PRRC2C: variants seen among roughly 807,000 people sequenced by gnomAD.
PRRC2C encodes the protein protein PRRC2C.
PRRC2C carries 72 observed loss-of-function variants against 317.2 expected under a neutral mutation model. That is an observed-to-expected ratio of 0.23 (90% CI 0.19 to 0.28). The LOEUF is 0.28. Ranked by LOEUF, PRRC2C falls within the 10% of genes least tolerant of loss-of-function variation. The pLI, the probability that PRRC2C is intolerant of heterozygous loss-of-function variation, is 1.00. For missense variants in PRRC2C, 3,074 were observed against 3,459.7 expected, an observed-to-expected ratio of 0.89 and a Z score of 2.80; for synonymous variants, 1,296 against 1,205.9, an observed-to-expected ratio of 1.07 and a Z score of -1.55.
intron 16 of PRRC2C, among the ~76,000 whole-genome samples, chr1:171,544,493 A>G (rs1055622518): frequency 1.3e-5 from 2 of 152,228 alleles, no homozygotes; most frequent in African/African-American, 4.8e-5. Flanking sequence ...AATTTAGAAA[A>G]AGGAAATTTT....
chr1:171,511,892 G>T, intron 1 of PRRC2C, 140 bp from the exon 2 acceptor site: 1 of 438,376 alleles, frequency 2.3e-6, no homozygotes, highest in Non-Finnish European at 4.3e-6. Flanking sequence ...CAATTTTGTT[G>T]TGTATTGGTT....
chr1:171,496,637 T>A (rs1016699441), intron 1 of PRRC2C, among the ~76,000 whole-genome samples: 5 of 152,214 alleles, frequency 3.3e-5, no homozygotes, highest in Admixed American at 3.3e-4. Flanking sequence ...GGCACACACA[T>A]GCACTCTGTG....
intron 1 of PRRC2C, among the ~76,000 whole-genome samples, chr1:171,496,117 A>G (rs538153528): frequency 3.3e-5 from 5 of 151,398 alleles, no homozygotes; most frequent in African/African-American, 4.9e-5. Flanking sequence ...TAGGGATTCA[A>G]CATATGAATG....
intron 1 of PRRC2C, among the ~76,000 whole-genome samples, chr1:171,492,047 A>G (rs1223074663): frequency 1.3e-5 from 2 of 152,158 alleles, no homozygotes; most frequent in Non-Finnish European, 2.9e-5. Context: ...AACAGAGGAC[A>G]TTGAAAACAA....
chr1:171,550,770 A>C (rs1205310250), intron 18 of PRRC2C, among the ~76,000 whole-genome samples: 1 of 152,104 alleles, frequency 6.6e-6, no homozygotes. Context: ...TTCCAGCTTC[A>C]TCCATGTCCC....
In PRRC2C at chr1:171,515,822, T is replaced by C; in HGVS notation, c.489T>C (p.Asp163=). 1 of 1,612,238 alleles carries C rather than the reference T, an allele frequency of 6.2e-7. No individual in the cohort carries two copies. Among genetic ancestry groups the C allele is most frequent in the Non-Finnish European group, 8.5e-7 (1 of 1,178,954 alleles). Residue 163 remains aspartate, a synonymous_variant, in exon 5 of 35, where the codon GAT becomes GAC. Transcript: ENST00000647382. ...DQEKKEKETN[D]DNYGPGPSLR... ...AAAAAAAAGAAAAGGAAACAAATGA[T>C]GACAACTATGGACCTGGACCCAGTT...
intron 7 of PRRC2C, chr1:171,522,498 G>T (rs751999419): frequency 4.1e-6 from 1 of 246,262 alleles, no homozygotes; most frequent in East Asian, 8.1e-5. Flanking sequence ...GGCCGGGGAC[G>T]GTGGCTCACC....
chr1:171,578,458 T>A (rs1042817784), intron 26 of PRRC2C, among the ~76,000 whole-genome samples: 1 of 151,784 alleles, frequency 6.6e-6, no homozygotes. Flanking sequence ...GAGGCTGAGG[T>A]GAGAGAATCA....
rs1256989265 is a variant in PRRC2C, at chr1:171,525,760, TAAAC to T, written c.1200+798_1200+801del. The stretch of plus-strand genomic sequence containing the variant: ...AAGACTAAGTACTTGAGCTAATTCT[TAAAC>T]AAGCATGATTTAGGCAGTATAGAAA... On this transcript the variant is annotated intron_variant, in intron 10 of 34. Transcript: ENST00000647382. Among the ~76,000 whole-genome samples the T allele has an allele frequency of 5.3e-5, 8 of 152,320 alleles. No individual in the cohort carries two copies. The South Asian group carries it at 8.3e-4, about 16-fold the overall frequency.
chr1:171,494,883 G>A (rs1667845306), intron 1 of PRRC2C, among the ~76,000 whole-genome samples: 1 of 152,024 alleles, frequency 6.6e-6, no homozygotes, highest in Admixed American at 6.6e-5. Context: ...GGAGTGGTGA[G>A]GGATATCCAA....
rs60832207 is a variant in PRRC2C at position 171,569,575 on chromosome 1, AATAT to A, written c.6651+1251_6651+1254del. Among the ~76,000 whole-genome samples the A allele has an allele frequency of 7.0e-4, 42 of 60,152 alleles. 3 individuals are homozygous for A. The highest frequency in any genetic ancestry group is 2.0e-3 in the East Asian group (2 of 990). 39.5% of individuals were successfully genotyped at this position (60,152 alleles called of 152,430 possible). On this transcript the variant is annotated intron_variant, in intron 23 of 34. Coordinates refer to ENST00000647382, the MANE Select transcript of PRRC2C (RefSeq NM_001387844.1). ...CCCCCACTTTTATGAAAGTGGTTTAAATATATATATATATATATGGTTTTTTTTT... is the reference window on the plus strand; with the variant it reads ...CCCCCACTTTTATGAAAGTGGTTTAAATATATATATATATGGTTTTTTTTT...
At chr1:171,525,023 G>A in intron 10 of PRRC2C, 58 bp downstream of exon 10, 3 of 1,346,318 alleles carry the variant, frequency 2.2e-6, no homozygotes, top group Middle Eastern at 3.7e-4. Flanking sequence ...TGTAATTACT[G>A]TGTAATACTA....
At chr1:171,509,898 C>T (rs932011076) in intron 1 of PRRC2C, 1 of 124,114 alleles carries the variant, frequency 8.1e-6, no homozygotes, top group African/African-American at 3.2e-5. Context: ...GTCACCCAGG[C>T]TGTAGTACAG....
intron 1 of PRRC2C, among the ~76,000 whole-genome samples, chr1:171,493,585 C>T (rs968827572): frequency 2.0e-5 from 3 of 152,120 alleles, no homozygotes; most frequent in Admixed American, 1.3e-4. Flanking sequence ...TTTGGGAGGC[C>T]AAGGTGGGTG....
At chr1:171,528,484 G>A (rs991751959) in intron 11 of PRRC2C, among the ~76,000 whole-genome samples, 2 of 151,110 alleles carry the variant, frequency 1.3e-5, no homozygotes, top group Non-Finnish European at 2.9e-5. Flanking sequence ...GTAGAGACGG[G>A]GTTTCACCGT....
At chr1:171,587,843 C>T (rs1650408383) in intron 32 of PRRC2C, 92 bp downstream of exon 32, 1 of 742,166 alleles carries the variant, frequency 1.3e-6, no homozygotes, top group Non-Finnish European at 2.2e-6. Context: ...ATCCCTTTTC[C>T]AAGCAGAAAA....
intron 9 of PRRC2C, 42 bp from the exon 10 acceptor site, chr1:171,524,779 A>G (rs758532545): frequency 2.7e-6 from 4 of 1,503,928 alleles, no homozygotes; most frequent in Non-Finnish European, 2.7e-6. Context: ...TACTTATGAT[A>G]CAGTTGGTCC....
chr1:171,589,102 A>G (rs1286584231), intron 33 of PRRC2C, among the ~76,000 whole-genome samples: 2 of 152,192 alleles, frequency 1.3e-5, no homozygotes, highest in African/African-American at 2.4e-5. Context: ...AAGTCTTTCT[A>G]TCCCCCCTTC....
intron 4 of PRRC2C, 90 bp downstream of exon 4, chr1:171,514,735 A>G: frequency 9.0e-7 from 1 of 1,110,564 alleles, no homozygotes; most frequent in Non-Finnish European, 1.3e-6. Flanking sequence ...GTTTTGGTAG[A>G]GCCATAAAGC....
Sources: allele counts gnomAD v4.1 joint callset (sites outside exome capture counted in the v4.1 genomes callset), GRCh38; gene constraint gnomAD v4.1.1; transcripts MANE v1.5; gene names NCBI Gene and HGNC (gene_info 2026-07-23, HGNC 2026-07-21).